Variants in DAZL observed in about 807,000 individuals in gnomAD.
DAZL encodes the protein deleted in azoospermia-like.
Under a neutral mutation model 45.0 loss-of-function variants are expected in DAZL, and 4 were observed. That is an observed-to-expected ratio of 0.09 (90% CI 0.04 to 0.20). The LOEUF is 0.20. DAZL is among the 10% of genes least tolerant of loss of function. The pLI is 1.00. For missense variants in DAZL, 326 were observed against 351.3 expected (o/e 0.93, Z 0.58); for synonymous variants, 122 against 112.4 (o/e 1.09, Z -0.54).
chr3:16,590,177 T>C (rs185165146), intron 10 of DAZL, among the ~76,000 whole-genome samples: 12 of 135,860 alleles, frequency 8.8e-5, no homozygotes, highest in East Asian at 8.1e-4. Context: ...TAAGCTGATA[T>C]ACAATTTCAG....
At chr3:16,601,740 T>C (rs1253866953) in intron 1 of DAZL, among the ~76,000 whole-genome samples, 2 of 149,774 alleles carry the variant, frequency 1.3e-5, no homozygotes, top group Non-Finnish European at 3.0e-5. Context: ...AATTTTGAAA[T>C]GAGAAATGTT....
At position 16,586,885 on chromosome 3, in the gene DAZL, AT is replaced by A. The variant is rs1694444694; in HGVS notation, c.*1774del. 1 of 152,148 alleles carries A rather than the reference AT, an allele frequency of 6.6e-6. No individual in the cohort carries two copies. Among genetic ancestry groups the A allele is most frequent in the African/African-American group, 2.4e-5 (1 of 41,454 alleles). 9.4% of individuals were successfully genotyped at this position (152,148 alleles called of 1,614,324 possible). On this transcript the variant is annotated 3_prime_UTR_variant, in exon 11 of 11. Transcript: ENST00000399444. ...TTTCTAAGTTTAGAATTAATTTTCCATTTTGAAAGGTTCAGGACTTTATCTT... is the reference window on the plus strand; with the variant it reads ...TTTCTAAGTTTAGAATTAATTTTCCATTTGAAAGGTTCAGGACTTTATCTT...
rs1362108951 is a variant in DAZL at position 16,587,365 on chromosome 3, A to G, written c.*1295T>C. ...ATGGCAGATCAAATGGTACTGATACAACTTTTTCCCTTAGAAAGGTATTAT... is the reference window on the plus strand; with the variant it reads ...ATGGCAGATCAAATGGTACTGATACGACTTTTTCCCTTAGAAAGGTATTAT... On this transcript the variant is annotated 3_prime_UTR_variant, in exon 11 of 11. Coordinates refer to ENST00000399444, the MANE Select transcript of DAZL (RefSeq NM_001351.4). 6.6e-6 allele frequency: 1 copy of G among 152,332 alleles called. No homozygotes were observed. Among genetic ancestry groups the G allele is most frequent in the Non-Finnish European group, 1.5e-5 (1 of 68,012 alleles). 9.4% of individuals were successfully genotyped at this position (152,332 alleles called of 1,614,324 possible).
At chr3:16,593,556 T>C in intron 9 of DAZL, 99 bp downstream of exon 9, 2 of 810,402 alleles carry the variant, frequency 2.5e-6, no homozygotes, top group Non-Finnish European at 3.9e-6. Flanking sequence ...ACCTTTTCAA[T>C]TACAAATTTC....
At position 16,592,035 on chromosome 3, in the gene DAZL, CTG is replaced by C; in HGVS notation, c.834+13_834+14del. ...AAGTGTGCTTTTTAATTGTGCGTAACTGTTATATTCATACCTTGAAGTAGTCA... is the reference window on the plus strand; with the variant it reads ...AAGTGTGCTTTTTAATTGTGCGTAACTTATATTCATACCTTGAAGTAGTCA... On this transcript the variant is annotated intron_variant, in intron 10 of 10. Coordinates refer to ENST00000399444, the MANE Select transcript of DAZL (RefSeq NM_001351.4). 1 of 1,607,888 alleles carries C rather than the reference CTG, an allele frequency of 6.2e-7. No homozygotes were observed. Among genetic ancestry groups the C allele is most frequent in the Non-Finnish European group, 8.5e-7 (1 of 1,174,668 alleles).
rs1694635125 is a variant in DAZL at position 16,598,554 on chromosome 3, C to A, written c.48G>T (p.Glu16Asp). The change falls in exon 2 of 11, where the codon GAG (glutamate) becomes GAT (aspartate). Residue 16 changes from glutamate to aspartate, a missense_variant. Physicochemically the swap from Glu to Asp is conservative, Grantham distance 45. Around this residue, in one of 3 missense-constraint regions of DAZL, gnomAD observed 81 missense variants for 89.6 expected, o/e 0.90. Transcript: ENST00000399444. ...PETPNSTISR[E>D]ASTQSSSAAT... ...CAGCTGATGAGGACTGGGTGCTGGC[C>A]TCTCTGGAGATGGTTGAGTTTGGAG... is the stretch of plus-strand genomic sequence containing the variant. 6.2e-7 allele frequency: 1 copy of A among 1,602,762 alleles called. No individual in the cohort carries two copies. Among genetic ancestry groups the A allele is most frequent in the Non-Finnish European group, 8.5e-7 (1 of 1,179,086 alleles).
chr3:16,604,565 C>T lies in DAZL; in HGVS notation c.3+638G>A, dbSNP rs1694744837. The T allele has an allele frequency of 2.2e-5, 31 of 1,435,540 alleles. 2 individuals are homozygous for T. In the South Asian group the frequency reaches 4.6e-4, roughly 22 times the overall value. 88.9% of individuals were successfully genotyped at this position (1,435,540 alleles called of 1,614,324 possible). ...AGAGGCACTTCCGGCCCAGCCCCCT[C>T]AGCTACAGGGCCATGCCTTCAGGAC... On this transcript the variant is annotated intron_variant, in intron 1 of 10. Coordinates refer to ENST00000399444, the MANE Select transcript of DAZL (RefSeq NM_001351.4).
Position 16,597,507 on chromosome 3 carries a change from C to T in DAZL, c.277G>A (p.Val93Met). The stretch of plus-strand genomic sequence containing the variant: ...TTACTTACTTCTACTATCTTCTGCA[C>T]ATCCACGTCATTAAAAAATGAAACA... ...GFVSFFNDVDVQKIVESQINF... is the reference protein window; with the variant it reads ...GFVSFFNDVDMQKIVESQINF... Residue 93 changes from valine (V) to methionine (M), a missense_variant, in exon 4 of 11, where the codon GTG becomes ATG. Val to Met is a conservative substitution (Grantham distance 21). Around this residue, in one of 3 missense-constraint regions of DAZL, gnomAD observed 18 missense variants for 45.0 expected, o/e 0.40. Transcript: ENST00000399444. 1 of 1,568,616 alleles carries T rather than the reference C, an allele frequency of 6.4e-7. No individual in the cohort carries two copies. Among genetic ancestry groups the T allele is most frequent in the Non-Finnish European group, 8.8e-7 (1 of 1,139,066 alleles).
chr3:16,588,406 C>T lies in DAZL; in HGVS notation c.*254G>A. ...TTAAAATGCCAATTTTTAAAAAATC[C>T]TTGCAGATAAATCTTAGTTTCTTTC... On this transcript the variant is annotated 3_prime_UTR_variant, in exon 11 of 11. Transcript: ENST00000399444. 1 of 327,852 alleles carries T rather than the reference C, an allele frequency of 3.1e-6. No individual in the cohort carries two copies. Among genetic ancestry groups the T allele is most frequent in the Non-Finnish European group, 5.8e-6 (1 of 173,032 alleles). The allele number at this position is 327,852 out of a possible 1,614,324, so 20.3% of individuals were successfully genotyped here. A position where few individuals can be genotyped will look rare whatever the true frequency, so the allele number is the denominator to read the frequency against.
chr3:16,598,007 T>A (rs1694626458), intron 3 of DAZL, 80 bp downstream of exon 3: 21 of 1,308,806 alleles, frequency 1.6e-5, no homozygotes, highest in Non-Finnish European at 2.3e-5. Flanking sequence ...TTATGTTAAG[T>A]GTCAGAATAC....
intron 4 of DAZL, 48 bp from the exon 5 acceptor site, chr3:16,597,099 C>A: frequency 6.4e-7 from 1 of 1,557,252 alleles, no homozygotes; most frequent in Non-Finnish European, 8.8e-7. Context: ...CAAGTCTTTA[C>A]TTCCAAGACT....
Position 16,604,911 on chromosome 3 carries a change from G to C in DAZL, c.3+292C>G, listed in dbSNP as rs1694754079. ...CAGTAGAGAACCCGAACCGGGAAAT[G>C]GGTGCCTCAAGAAGGCCGTGGCCCT... On this transcript the variant is annotated intron_variant, in intron 1 of 10. Transcript: ENST00000399444. 13 of 682,640 alleles carry C rather than the reference G, an allele frequency of 1.9e-5. No individual in the cohort carries two copies. The South Asian group carries it at 2.5e-4, about 13-fold the overall frequency. The allele number at this position is 682,640 out of a possible 1,614,324, so 42.3% of individuals were successfully genotyped here.
chr3:16,605,074 G>A (rs998671632), intron 1 of DAZL, 129 bp downstream of exon 1: 29 of 1,200,534 alleles, frequency 2.4e-5, no homozygotes, highest in Non-Finnish European at 3.6e-5. Context: ...TGGCTGTGGT[G>A]CGTCCAGGCA....
At chr3:16,600,982 T>C (rs964610505) in intron 1 of DAZL, among the ~76,000 whole-genome samples, 4 of 152,226 alleles carry the variant, frequency 2.6e-5, no homozygotes, top group Non-Finnish European at 1.5e-5. Context: ...GGAATACTAC[T>C]GCACATCCTA....
At chr3:16,595,469 T>G (rs1271552479) in intron 6 of DAZL, 84 bp from the exon 7 acceptor site, 12 of 793,510 alleles carry the variant, frequency 1.5e-5, no homozygotes, top group African/African-American at 3.5e-5. Context: ...AACAAAAATA[T>G]GAAAACTTTT....
In DAZL at chr3:16,605,365, G is replaced by C. The variant is rs1344754107; in HGVS notation, c.-160C>G. The C allele has an allele frequency of 2.2e-6, 2 of 894,172 alleles. No individual in the cohort carries two copies. The highest frequency in any genetic ancestry group is 1.9e-5 in the Admixed American group (1 of 51,602). The allele number at this position is 894,172 out of a possible 1,614,324, so 55.4% of individuals were successfully genotyped here. A position where few individuals can be genotyped will look rare whatever the true frequency, so the allele number is the denominator to read the frequency against. On this transcript the variant is annotated 5_prime_UTR_variant, in exon 1 of 11. Coordinates refer to ENST00000399444, the MANE Select transcript of DAZL (RefSeq NM_001351.4). Reference sequence around the variant, plus strand: ...AAGAGAAAAGGAAAACCAAGAGCGGGTGACAAGGCTGAGGAGCCCCGAAAG... The same window carrying C: ...AAGAGAAAAGGAAAACCAAGAGCGGCTGACAAGGCTGAGGAGCCCCGAAAG...
At chr3:16,594,446 G>A (rs1388155194) in intron 8 of DAZL, 87 bp downstream of exon 8, 9 of 990,268 alleles carry the variant, frequency 9.1e-6, no homozygotes, top group Middle Eastern at 2.1e-4. Flanking sequence ...AGGCATATAT[G>A]ACATGGAAAA....
chr3:16,601,187 A>T (rs950408521), intron 1 of DAZL, among the ~76,000 whole-genome samples: 5 of 152,188 alleles, frequency 3.3e-5, no homozygotes, highest in South Asian at 2.1e-4. Context: ...GAATGGTTGG[A>T]AAAGATCTCT....
At position 16,592,062 on chromosome 3, in the gene DAZL, A is replaced by C; in HGVS notation, c.822T>G (p.Asp274Glu). The change falls in exon 10 of 11, where the codon GAT becomes GAG. Residue 274 changes from aspartate (D) to glutamate (E), a missense_variant. Transcript: ENST00000399444. The part of the protein sequence containing the change: ...NRLRNSVVTQ[D>E]DYFKDKRVHH... ...GTTATATTCATACCTTGAAGTAGTC[A>C]TCTTGAGTAACAACAGAGTTTCTCA... The C allele has an allele frequency of 1.2e-6, 2 of 1,613,354 alleles. No homozygotes were observed. The highest frequency in any genetic ancestry group is 1.7e-6 in the Non-Finnish European group (2 of 1,179,370).
Sources: gnomAD v4.1 joint callset for allele counts (sites outside exome capture counted in the v4.1 genomes callset) on GRCh38, gnomAD v4.1.1 for gene constraint, gnomAD v4.1.1 regional missense constraint, MANE v1.5 for transcripts, NCBI Gene and HGNC (gene_info 2026-07-23, HGNC 2026-07-21) for gene names.